KSR2: variants seen among roughly 807,000 people sequenced by gnomAD.
KSR2 encodes the protein kinase suppressor of ras 2.
A neutral mutation model predicts 107.8 loss-of-function variants in KSR2; 25 were observed. The ratio of observed to expected loss-of-function variants is 0.23; its 90% confidence interval spans 0.17 to 0.32. The LOEUF is 0.32. Among genes scored for constraint, KSR2 ranks in the 10% least tolerant of loss-of-function variants. The probability of loss-of-function intolerance (pLI) is 1.00; values close to 1 mark genes in which losing one functional copy is unlikely to be tolerated. For synonymous variants in KSR2, 480 were observed against 507.0 expected (o/e 0.95, Z 0.71); for missense variants, 887 against 1,268.9 (o/e 0.70, Z 4.57).
intron 5 of KSR2, among the ~76,000 whole-genome samples, chr12:117,639,519 G>T (rs1287281979): frequency 6.6e-6 from 1 of 150,734 alleles, no homozygotes; most frequent in East Asian, 2.0e-4. Context: ...TAGTAGAGAT[G>T]GGGTTTCACT....
intron 5 of KSR2, among the ~76,000 whole-genome samples, chr12:117,587,376 G>A (rs1226528941): frequency 6.6e-6 from 1 of 152,092 alleles, no homozygotes; most frequent in Non-Finnish European, 1.5e-5. Flanking sequence ...TGAAAGCCGA[G>A]GTCAGAGGGA....
At chr12:117,659,847 A>G (rs1884350803) in intron 5 of KSR2, among the ~76,000 whole-genome samples, 1 of 152,260 alleles carries the variant, frequency 6.6e-6, no homozygotes, top group African/African-American at 2.4e-5. Context: ...CAAAGGATGT[A>G]TAATTGGTTG....
Position 117,968,594 on chromosome 12 carries a change from AGG to A in KSR2, c.-341_-340del. ...TGTACACTTAGGGAGGAGGAGGAGG[AGG>A]AAAAAGAAGAGGAGAAGGAGGAGAG... On this transcript the variant is annotated 5_prime_UTR_variant, in exon 1 of 20. Transcript: ENST00000339824. The A allele has an allele frequency of 3.5e-6, 2 of 569,210 alleles. No homozygotes were observed. Among genetic ancestry groups the A allele is most frequent in the Non-Finnish European group, 2.4e-6 (1 of 420,006 alleles). The allele number at this position is 569,210 out of a possible 1,614,324, so 35.3% of individuals were successfully genotyped here.
chr12:117,484,648 C>T, intron 15 of KSR2, 99 bp from the exon 16 acceptor site: 2 of 1,194,824 alleles, frequency 1.7e-6, no homozygotes, highest in Non-Finnish European at 2.4e-6. Flanking sequence ...GACTTGGCTC[C>T]CTAATGGGAC....
At chr12:117,494,418 C>T (rs905461965) in intron 14 of KSR2, among the ~76,000 whole-genome samples, 16 of 152,180 alleles carry the variant, frequency 1.1e-4, no homozygotes, top group African/African-American at 3.4e-4. Flanking sequence ...CCCCAACCAC[C>T]TTTAACCTGC....
At chr12:117,789,180 G>C (rs1890176366) in intron 3 of KSR2, among the ~76,000 whole-genome samples, 1 of 152,168 alleles carries the variant, frequency 6.6e-6, no homozygotes, top group Non-Finnish European at 1.5e-5. Flanking sequence ...TAGTCTCCAA[G>C]CACCTATAAT....
At chr12:117,669,576 A>T (rs185266763) in intron 4 of KSR2, among the ~76,000 whole-genome samples, 115 of 152,146 alleles carry the variant, frequency 7.6e-4, no homozygotes, top group African/African-American at 2.7e-3. Flanking sequence ...AAAATTAAAA[A>T]AAAAAAGAGG....
intron 3 of KSR2, among the ~76,000 whole-genome samples, chr12:117,781,669 T>C (rs1017064684): frequency 1.3e-5 from 2 of 152,188 alleles, no homozygotes; most frequent in Non-Finnish European, 2.9e-5. Context: ...GTATCTTCCA[T>C]ATCCTCAAAC....
chr12:117,947,209 G>GAAAAGAAAAGA (rs796600006), intron 1 of KSR2, among the ~76,000 whole-genome samples: 2 of 77,858 alleles, frequency 2.6e-5, no homozygotes, highest in Non-Finnish European at 4.8e-5. Flanking sequence ...AGAAAGAAAA[G>GAAAAGAAAAGA]AAAGAAAGAA....
At chr12:117,730,603 T>C (rs936212798) in intron 4 of KSR2, among the ~76,000 whole-genome samples, 1 of 152,062 alleles carries the variant, frequency 6.6e-6, no homozygotes, top group African/African-American at 2.4e-5. Context: ...CACCGCATCC[T>C]CCCTGCCTGA....
At chr12:117,724,576 C>T in intron 4 of KSR2, among the ~76,000 whole-genome samples, 1 of 57,644 alleles carries the variant, frequency 1.7e-5, no homozygotes, top group Non-Finnish European at 3.9e-5. Flanking sequence ...GCAAAAAAAC[C>T]TGCCCCCCCA....
chr12:117,568,402 T>C lies in KSR2; in HGVS notation c.1326-9829A>G, dbSNP rs541634369. Among the ~76,000 whole-genome samples the C allele has an allele frequency of 2.6e-5, 4 of 152,226 alleles. No homozygotes were observed. In the South Asian group the frequency reaches 8.3e-4, roughly 32 times the overall value. The stretch of plus-strand genomic sequence containing the variant: ...AAATTCTTATACTCTGTTCTGCTTG[T>C]TTAGTTAAAGGGCAAGCAGAGTGAC... On this transcript the variant is annotated intron_variant, in intron 7 of 19. Coordinates refer to ENST00000339824, the MANE Select transcript of KSR2 (RefSeq NM_173598.6).
At chr12:117,912,638 G>A (rs763746380) in intron 1 of KSR2, among the ~76,000 whole-genome samples, 7 of 152,186 alleles carry the variant, frequency 4.6e-5, no homozygotes, top group Non-Finnish European at 8.8e-5. Context: ...TACCAAAAAT[G>A]TTTCAGCAAA....
chr12:117,916,521 T>C (rs1895180746), intron 1 of KSR2, among the ~76,000 whole-genome samples: 1 of 152,244 alleles, frequency 6.6e-6, no homozygotes, highest in Non-Finnish European at 1.5e-5. Flanking sequence ...GCCTGCTTTA[T>C]AAAGCAATAC....
chr12:117,599,119 T>C (rs1223212392), intron 5 of KSR2, among the ~76,000 whole-genome samples: 1 of 152,122 alleles, frequency 6.6e-6, no homozygotes, highest in Non-Finnish European at 1.5e-5. Flanking sequence ...TGATGTTGAG[T>C]GTTAGCTATT....
At chr12:117,837,961 C>T (rs973039835) in intron 3 of KSR2, among the ~76,000 whole-genome samples, 5 of 151,878 alleles carry the variant, frequency 3.3e-5, no homozygotes, top group African/African-American at 1.2e-4. Context: ...AGGGCAACCC[C>T]ACATTTCTGA....
At chr12:117,747,193 C>A (rs1228483561) in intron 4 of KSR2, among the ~76,000 whole-genome samples, 1 of 152,126 alleles carries the variant, frequency 6.6e-6, no homozygotes, top group Admixed American at 6.5e-5. Context: ...AAATGCCCAT[C>A]AATGATAGAC....
intron 5 of KSR2, among the ~76,000 whole-genome samples, chr12:117,607,998 G>A (rs1881390285): frequency 1.3e-5 from 2 of 152,186 alleles, no homozygotes; most frequent in South Asian, 4.1e-4. Context: ...CCCCACATGG[G>A]GTCAACTCAG....
chr12:117,735,135 C>T (rs1403634566), intron 4 of KSR2, among the ~76,000 whole-genome samples: 1 of 152,194 alleles, frequency 6.6e-6, no homozygotes, highest in Non-Finnish European at 1.5e-5. Context: ...CTCAAGCTGC[C>T]ACCCAGGGGC....
Sources: allele counts gnomAD v4.1 joint callset (sites outside exome capture counted in the v4.1 genomes callset), GRCh38; gene constraint gnomAD v4.1.1; transcripts MANE v1.5; gene names NCBI Gene and HGNC (gene_info 2026-07-23, HGNC 2026-07-21).